Variants in NUP214 observed in about 807,000 individuals in gnomAD.
NUP214 encodes the protein nuclear pore complex protein Nup214.
Under a neutral mutation model 196.2 loss-of-function variants are expected in NUP214, and 79 were observed. The ratio of observed to expected loss-of-function variants is 0.40; its 90% CI spans 0.34 to 0.49. NUP214 has a LOEUF of 0.49. Ranked by LOEUF, NUP214 falls within the 20% of genes least tolerant of loss-of-function variation. The pLI, the probability that NUP214 is intolerant of heterozygous loss-of-function variation, is 0.58. For synonymous variants in NUP214, 1,020 were observed against 990.5 expected, an observed-to-expected ratio of 1.03 and a Z score of -0.56; for missense variants, 2,468 against 2,539.0, an observed-to-expected ratio of 0.97 and a Z score of 0.60.
chr9:131,217,741 T>C (rs1456824594), intron 31 of NUP214, among the ~76,000 whole-genome samples: 3 of 152,252 alleles, frequency 2.0e-5, no homozygotes, highest in Non-Finnish European at 2.9e-5. Context: ...TGCGAGGTTG[T>C]GTTACTGGCC....
At chr9:131,223,906 T>C (rs192975924) in intron 32 of NUP214, among the ~76,000 whole-genome samples, 6,073 of 150,214 alleles carry the variant, frequency 0.04, 165 homozygotes, top group African/African-American at 0.078. Flanking sequence ...GGCTAATTTT[T>C]TGTATTTTTA....
chr9:131,126,639 C>T (rs1432652368), intron 1 of NUP214, among the ~76,000 whole-genome samples: 1 of 151,614 alleles, frequency 6.6e-6, no homozygotes, highest in Admixed American at 6.6e-5. Context: ...CCTCCACCTC[C>T]CCGGCTCAAG....
At chr9:131,213,911 G>A (rs944693533) in intron 30 of NUP214, among the ~76,000 whole-genome samples, 15 of 152,156 alleles carry the variant, frequency 9.9e-5, no homozygotes, top group African/African-American at 3.4e-4. Flanking sequence ...GAGTGAGGGG[G>A]AGGATGATAA....
intron 24 of NUP214, among the ~76,000 whole-genome samples, chr9:131,185,913 T>G (rs1366404603): frequency 6.6e-6 from 1 of 152,252 alleles, no homozygotes; most frequent in Non-Finnish European, 1.5e-5. Flanking sequence ...TACTATCATG[T>G]CACAATTGAA....
chr9:131,178,175 C>T, intron 23 of NUP214, 136 bp from the exon 24 acceptor site: 1 of 655,716 alleles, frequency 1.5e-6, no homozygotes, highest in East Asian at 2.7e-5. Flanking sequence ...CAAGAACTAC[C>T]TAGAGTAGAT....
rs781271894 is a variant in NUP214, at chr9:131,144,354, T to C, written c.1369T>C (p.Ser457Pro). Residue 457 changes from serine (S) to proline (P), a missense_variant, in exon 12 of 36, where the codon TCT becomes CCT. Coordinates refer to ENST00000359428, the MANE Select transcript of NUP214 (RefSeq NM_005085.4). ...TGCTTCTGCAGCTGCAGCCCCTGCC[T>C]CTCTGCCACCTTCATCACCTGCTGC... ...LDASAAAAPA[S>P]LPPSSPAAPI... 5.0e-6 allele frequency: 8 copies of C among 1,614,178 alleles called. No homozygotes were observed. Among genetic ancestry groups the C allele is most frequent in the South Asian group, 4.4e-5 (4 of 91,074 alleles).
chr9:131,177,017 G>A (rs1044891591), intron 23 of NUP214, among the ~76,000 whole-genome samples: 1 of 152,194 alleles, frequency 6.6e-6, no homozygotes, highest in South Asian at 2.1e-4. Flanking sequence ...TAGTGCCAGG[G>A]TCAAGAAACA....
At chr9:131,189,844 T>C (rs1049106338) in intron 26 of NUP214, 1 of 152,646 alleles carries the variant, frequency 6.6e-6, no homozygotes, top group African/African-American at 2.4e-5. Context: ...TACTTCCTGC[T>C]GCAAGGGTCT....
chr9:131,150,522 C>A, intron 15 of NUP214, 94 bp from the exon 16 acceptor site: 2 of 1,573,038 alleles, frequency 1.3e-6, no homozygotes, highest in Non-Finnish European at 1.7e-6. Flanking sequence ...AAGCATGGCC[C>A]ATCCCAGCAG....
Position 131,159,408 on chromosome 9 carries a change from T to C in NUP214, c.2462T>C (p.Val821Ala). ...GAAATTCGGCGCCTTCATCAGTATG[T>C]GAAATTTGCTGTCCAAGATGTGAAT... The part of the protein sequence containing the change: ...LQEIRRLHQY[V>A]KFAVQDVNDV... Residue 821 changes from valine (V) to alanine (A), a missense_variant, in exon 18 of 36, where the codon GTG becomes GCG. By Grantham distance (64) the Val-to-Ala change is moderately conservative (BLOSUM62 0). Transcript: ENST00000359428. 1.2e-6 allele frequency: 2 copies of C among 1,613,970 alleles called. No homozygotes were observed. The highest frequency in any genetic ancestry group is 1.7e-6 in the Non-Finnish European group (2 of 1,179,966).
At chr9:131,182,622 T>A (rs1170846786) in intron 24 of NUP214, among the ~76,000 whole-genome samples, 1 of 152,234 alleles carries the variant, frequency 6.6e-6, no homozygotes, top group East Asian at 1.9e-4. Flanking sequence ...GGACCACAGT[T>A]GTAGACAGTA....
intron 31 of NUP214, among the ~76,000 whole-genome samples, chr9:131,215,773 TC>T (rs2131081130): frequency 6.6e-6 from 1 of 152,330 alleles, no homozygotes; most frequent in South Asian, 2.1e-4. Flanking sequence ...CTCCAAATTT[TC>T]CTTAAAATTC....
chr9:131,159,476 A>G lies in NUP214; in HGVS notation c.2530A>G (p.Lys844Glu), dbSNP rs756437992. 2.7e-5 allele frequency: 44 copies of G among 1,612,042 alleles called. No homozygotes were observed. Among genetic ancestry groups the G allele is most frequent in the Non-Finnish European group, 3.1e-5 (36 of 1,178,222 alleles). Reference sequence around the variant, plus strand: ...GTGGGATCAGCATCTGGAACAAAAGAAAAAACAAAGGTGAATGAGATCTCT... The same window carrying G: ...GTGGGATCAGCATCTGGAACAAAAGGAAAAACAAAGGTGAATGAGATCTCT... ...LEWDQHLEQK[K>E]KQRHLLVPER... is the part of the protein sequence containing the mutation. The change falls in exon 18 of 36, where the codon AAA becomes GAA. Residue 844 changes from lysine to glutamate, a missense_variant. Coordinates refer to ENST00000359428, the MANE Select transcript of NUP214 (RefSeq NM_005085.4).
At chr9:131,219,233 G>A (rs952106111) in intron 31 of NUP214, among the ~76,000 whole-genome samples, 5 of 152,224 alleles carry the variant, frequency 3.3e-5, no homozygotes, top group Non-Finnish European at 5.9e-5. Context: ...GATGTATACT[G>A]CAGAAGTTGC....
rs1044198513 is a variant in NUP214, at chr9:131,190,389, C to T, written c.3574+1258C>T. On this transcript the variant is annotated intron_variant, in intron 26 of 35. Transcript: ENST00000359428. Reference sequence around the variant, plus strand: ...ATGCATGTCTGGGCAAGTAGTGTGACTTGCAAGAAATTTCCGAGATTCACC... The same window carrying T: ...ATGCATGTCTGGGCAAGTAGTGTGATTTGCAAGAAATTTCCGAGATTCACC... 4.4e-6 allele frequency: 3 copies of T among 674,176 alleles called. No individual in the cohort carries two copies. The Admixed American group carries it at 6.9e-5, about 16-fold the overall frequency. 41.8% of individuals were successfully genotyped at this position (674,176 alleles called of 1,614,324 possible).
At chr9:131,187,775 A>G (rs933676222) in intron 25 of NUP214, among the ~76,000 whole-genome samples, 1 of 152,226 alleles carries the variant, frequency 6.6e-6, no homozygotes, top group Non-Finnish European at 1.5e-5. Flanking sequence ...TAAATGAACC[A>G]TAAGTCTGAT....
At chr9:131,207,224 C>T (rs1228227343) in intron 30 of NUP214, among the ~76,000 whole-genome samples, 2 of 152,190 alleles carry the variant, frequency 1.3e-5, no homozygotes, top group Non-Finnish European at 2.9e-5. Flanking sequence ...AACAAATTGC[C>T]TCAAAACCTA....
chr9:131,131,874 A>C (rs1032277942), intron 5 of NUP214, among the ~76,000 whole-genome samples: 7 of 151,638 alleles, frequency 4.6e-5, no homozygotes, highest in African/African-American at 1.7e-4. Context: ...TTTTTTGTAG[A>C]GATAGGGTTT....
chr9:131,211,549 A>G lies in NUP214; in HGVS notation c.5593-3663A>G, dbSNP rs567327888. Among the ~76,000 whole-genome samples, 6 of 152,204 alleles carry G rather than the reference A, an allele frequency of 3.9e-5. No individual in the cohort carries two copies. The East Asian group carries it at 1.2e-3, about 29-fold the overall frequency. On this transcript the variant is annotated intron_variant, in intron 30 of 35. Transcript: ENST00000359428. ...TGCCATCTGTTGCGGGAAGTCAGGG[A>G]CCCCAAATGGAGGGACCTGCTGAAG...
Sources: allele counts gnomAD v4.1 joint callset (sites outside exome capture counted in the v4.1 genomes callset), GRCh38; gene constraint gnomAD v4.1.1; transcripts MANE v1.5; gene names NCBI Gene and HGNC (gene_info 2026-07-23, HGNC 2026-07-21).